The following NAALADL2 variants were observed in gnomAD, a reference collection of about 807,000 sequenced individuals.
The protein encoded by NAALADL2 is inactive N-acetylated-alpha-linked acidic dipeptidase-like protein 2.
In NAALADL2, 76 loss-of-function variants were observed where a neutral mutation model predicts 87.2. The ratio of observed to expected loss-of-function variants is 0.87; its 90% confidence interval spans 0.72 to 1.05. The LOEUF is 1.05. NAALADL2 is among the 50% of genes least tolerant of loss of function. The pLI is 0.00. For synonymous variants in NAALADL2, 354 were observed against 331.0 expected, an observed-to-expected ratio of 1.07 and a Z score of -0.75; for missense variants, 1,089 against 945.8, an observed-to-expected ratio of 1.15 and a Z score of -1.99.
chr3:174,602,693 C>G (rs1194167962), intron 2 of NAALADL2, among the ~76,000 whole-genome samples: 4 of 151,898 alleles, frequency 2.6e-5, no homozygotes, highest in Admixed American at 6.5e-5. Context: ...GGTGATCATC[C>G]TTGTTGTATT....
intron 3 of NAALADL2, among the ~76,000 whole-genome samples, chr3:174,769,546 C>T (rs1351861857): frequency 6.6e-6 from 1 of 151,586 alleles, no homozygotes; most frequent in African/African-American, 2.4e-5. Context: ...AGGACAATAG[C>T]TGGAGTATTA....
intron 2 of NAALADL2, among the ~76,000 whole-genome samples, chr3:174,612,137 T>C (rs1719973419): frequency 6.6e-6 from 1 of 152,194 alleles, no homozygotes; most frequent in Admixed American, 6.5e-5. Context: ...GCCTGTAAAG[T>C]TTCCACTGGA....
In NAALADL2 at chr3:174,834,097, G is replaced by A. The variant is rs182228970; in HGVS notation, c.-9+96351G>A. On this transcript the variant is annotated intron_variant, in intron 3 of 3. Coordinates refer to the NAALADL2 transcript ENST00000434257. ...TTAAAGGAATAGAGTTTGAAAAGAA[G>A]CAAACTGTGACATGTTAAAAGCAGG... 1.7e-3 allele frequency among the ~76,000 whole-genome samples: 258 copies of A among 147,640 alleles called. 18 individuals carry two copies. Among genetic ancestry groups the A allele is most frequent in the African/African-American group, 6.2e-3 (241 of 39,128 alleles).
intron 5 of NAALADL2, among the ~76,000 whole-genome samples, chr3:175,351,058 G>T (rs1232531162): frequency 6.6e-6 from 1 of 152,066 alleles, no homozygotes; most frequent in African/African-American, 2.4e-5. Context: ...ACTTTGGAGT[G>T]TGACTTTAAT....
intron 3 of NAALADL2, among the ~76,000 whole-genome samples, chr3:174,748,372 G>A (rs1398711890): frequency 6.0e-5 from 9 of 149,748 alleles, no homozygotes; most frequent in African/African-American, 2.2e-4. Context: ...GTGGCCCCTA[G>A]AAGCTAGAAA....
At chr3:175,380,234 T>C (rs1490954732) in intron 5 of NAALADL2, among the ~76,000 whole-genome samples, 3 of 152,094 alleles carry the variant, frequency 2.0e-5, no homozygotes, top group African/African-American at 7.2e-5. Flanking sequence ...ATTAAAAAAA[T>C]ACTGACATCC....
chr3:175,571,117 CTATT>C (rs1344674788), intron 9 of NAALADL2, among the ~76,000 whole-genome samples: 1 of 152,134 alleles, frequency 6.6e-6, no homozygotes, highest in Non-Finnish European at 1.5e-5. Flanking sequence ...CTTGGCATCA[CTATT>C]TAACTAATGC....
intron 9 of NAALADL2, chr3:175,487,728 T>C (rs2149335945): frequency 3.3e-6 from 1 of 305,664 alleles, no homozygotes; most frequent in South Asian, 2.8e-5. Context: ...GCAAACAGTG[T>C]CTGAACAACT....
At chr3:175,032,376 T>A (rs910267160) in intron 1 of NAALADL2, among the ~76,000 whole-genome samples, 2 of 152,070 alleles carry the variant, frequency 1.3e-5, no homozygotes, top group Non-Finnish European at 2.9e-5. Context: ...GTAAGCTCTA[T>A]TAAGCCTTGA....
chr3:174,890,277 T>C (rs1474410968), intron 1 of NAALADL2, among the ~76,000 whole-genome samples: 3 of 152,194 alleles, frequency 2.0e-5, no homozygotes, highest in Non-Finnish European at 4.4e-5. Flanking sequence ...GAGAATCTCA[T>C]ACCATTCATT....
chr3:175,769,740 CTGTG>C (rs769936421), intron 13 of NAALADL2, among the ~76,000 whole-genome samples: 1 of 133,084 alleles, frequency 7.5e-6, no homozygotes, highest in Non-Finnish European at 1.6e-5. Context: ...GTGTGTGTGT[CTGTG>C]TGTATGTCTC....
intron 6 of NAALADL2, among the ~76,000 whole-genome samples, chr3:175,457,435 C>T (rs1450658001): frequency 6.6e-6 from 1 of 152,100 alleles, no homozygotes; most frequent in Non-Finnish European, 1.5e-5. Context: ...CTGCCCCAAA[C>T]CACTGCTACC....
At chr3:174,952,338 C>T (rs1374340062) in intron 1 of NAALADL2, among the ~76,000 whole-genome samples, 3 of 152,128 alleles carry the variant, frequency 2.0e-5, no homozygotes, top group Non-Finnish European at 4.4e-5. Context: ...ACTCTTTTAA[C>T]ATTAAGCATT....
chr3:175,482,257 G>C (rs1001845934), intron 9 of NAALADL2, among the ~76,000 whole-genome samples: 2 of 151,656 alleles, frequency 1.3e-5, no homozygotes, highest in Non-Finnish European at 2.9e-5. Context: ...TTTGCACAGG[G>C]GGCTCCTTAA....
chr3:175,487,751 A>C lies in NAALADL2; in HGVS notation c.1653+15993A>C. The stretch of plus-strand genomic sequence containing the variant: ...TGTCTGAACAACTTAATGTAAAGAT[A>C]CATTGTAGTAGAAAAATTTACTTGG... On this transcript the variant is annotated intron_variant, in intron 9 of 13. Transcript: ENST00000454872. 1.1e-5 allele frequency: 3 copies of C among 273,886 alleles called. No individual in the cohort carries two copies. The East Asian group carries it at 2.8e-4, about 25-fold the overall frequency. The allele number at this position is 273,886 out of a possible 1,614,324, so 17.0% of individuals were successfully genotyped here.
intron 9 of NAALADL2, among the ~76,000 whole-genome samples, chr3:175,575,001 A>C (rs1336488928): frequency 6.6e-6 from 1 of 152,162 alleles, no homozygotes; most frequent in Non-Finnish European, 1.5e-5. Context: ...TAGATTTTTG[A>C]GAAATTTATT....
intron 1 of NAALADL2, among the ~76,000 whole-genome samples, chr3:174,452,928 G>A (rs574285002): frequency 1.3e-5 from 2 of 152,112 alleles, no homozygotes; most frequent in Non-Finnish European, 2.9e-5. Context: ...TCTGAACTGG[G>A]ACTGAGATGA....
Position 175,235,366 on chromosome 3 carries a change from A to G in NAALADL2, c.819+1162A>G, listed in dbSNP as rs551114095. ...TTGACTTTTAGCCAAAGAGCTGCATATAACTATTACCACCTTGAAATGTCT... is the reference window on the plus strand; with the variant it reads ...TTGACTTTTAGCCAAAGAGCTGCATGTAACTATTACCACCTTGAAATGTCT... On this transcript the variant is annotated intron_variant, in intron 3 of 13. Transcript: ENST00000454872. 2.6e-5 allele frequency: 4 copies of G among 152,336 alleles called. No individual in the cohort carries two copies. The South Asian group carries it at 6.2e-4, about 24-fold the overall frequency. The allele number at this position is 152,336 out of a possible 1,614,324, so 9.4% of individuals were successfully genotyped here. A position where few individuals can be genotyped will look rare whatever the true frequency, so the allele number is the denominator to read the frequency against.
intron 9 of NAALADL2, among the ~76,000 whole-genome samples, chr3:175,488,649 G>A (rs764898361): frequency 6.6e-6 from 1 of 152,210 alleles, no homozygotes; most frequent in African/African-American, 2.4e-5. Context: ...TGAACTGATT[G>A]TGAGATTAAA....
Sources: gnomAD v4.1 joint callset for allele counts (sites outside exome capture counted in the v4.1 genomes callset) on GRCh38, gnomAD v4.1.1 for gene constraint, MANE v1.5 for transcripts, NCBI Gene and HGNC (gene_info 2026-07-23, HGNC 2026-07-21) for gene names.